Variants in JDP2 observed in about 807,000 individuals in gnomAD.
The protein encoded by JDP2 is progesterone receptor co-activator.
JDP2 carries 9 observed loss-of-function variants against 17.1 expected under a neutral mutation model. The ratio of observed to expected loss-of-function variants is 0.53; its 90% CI spans 0.32 to 0.92. The LOEUF (loss-of-function observed/expected upper bound fraction) is 0.92. Ranked by LOEUF, JDP2 falls within the 40% of genes least tolerant of loss-of-function variation. The pLI, the probability that JDP2 is intolerant of heterozygous loss-of-function variation, is 0.04. For missense variants in JDP2, 179 were observed against 220.0 expected, an observed-to-expected ratio of 0.81 and a Z score of 1.18; for synonymous variants, 107 against 95.6, an observed-to-expected ratio of 1.12 and a Z score of -0.69.
intron 2 of JDP2, among the ~76,000 whole-genome samples, chr14:75,442,997 C>T (rs1015026132): frequency 1.3e-5 from 2 of 152,136 alleles, no homozygotes; most frequent in South Asian, 2.1e-4. Flanking sequence ...GGGACCGGAT[C>T]CGTGTCCTCA....
chr14:75,442,677 C>A (rs1194006256), intron 2 of JDP2, among the ~76,000 whole-genome samples: 1 of 152,200 alleles, frequency 6.6e-6, no homozygotes. Context: ...ACCAATCATT[C>A]CCAAACGTGG....
intron 2 of JDP2, among the ~76,000 whole-genome samples, chr14:75,459,896 A>T (rs1327349637): frequency 6.6e-6 from 1 of 152,172 alleles, no homozygotes; most frequent in Non-Finnish European, 1.5e-5. Context: ...GGTGGTCAGG[A>T]GCAGGGTGCT....
Position 75,432,374 on chromosome 14 carries a change from G to C in JDP2, c.-24+4122G>C, listed in dbSNP as rs1337091283. 5.2e-6 allele frequency: 8 copies of C among 1,547,832 alleles called. No individual in the cohort carries two copies. In the South Asian group the frequency reaches 8.3e-5, roughly 16 times the overall value. On this transcript the variant is annotated intron_variant, in intron 1 of 3. Transcript: ENST00000651602. ...ATGACCCCTGGCCTGGCACCTTTCT[G>C]ACCTTCTCTGTGGACTCCTGCCCTC...
chr14:75,428,904 C>T lies in JDP2; in HGVS notation c.-24+652C>T, dbSNP rs1032471373. 6.6e-6 allele frequency among the ~76,000 whole-genome samples: 1 copy of T among 152,084 alleles called. No homozygotes were observed. The highest frequency in any genetic ancestry group is 1.5e-5 in the Non-Finnish European group (1 of 68,008). ...CTTTGGGCTCTCCTGTCTCCCACGCCAGGTTATATAAGGAGGCAAGCAGGC... is the reference window on the plus strand; with the variant it reads ...CTTTGGGCTCTCCTGTCTCCCACGCTAGGTTATATAAGGAGGCAAGCAGGC... On this transcript the variant is annotated intron_variant, in intron 1 of 3. Transcript: ENST00000651602. This position sits in a 1 kb window ranked among gnomAD's most constrained non-coding sequence, Gnocchi z 5.6.
At chr14:75,436,076 T>C (rs1885050259) in intron 1 of JDP2, among the ~76,000 whole-genome samples, 1 of 152,178 alleles carries the variant, frequency 6.6e-6, no homozygotes, top group African/African-American at 2.4e-5. Flanking sequence ...GCTTTTTCTC[T>C]TAGAGAAATA....
At chr14:75,453,276 A>C (rs61563484) in intron 2 of JDP2, among the ~76,000 whole-genome samples, 1 of 152,098 alleles carries the variant, frequency 6.6e-6, no homozygotes, top group Non-Finnish European at 1.5e-5. Context: ...CAGGGTGCTC[A>C]TGGGTCCCTG....
rs1884614472 is a variant in JDP2, at chr14:75,428,195, G to A, written c.-81G>A. On this transcript the variant is annotated 5_prime_UTR_variant, in exon 1 of 4. Transcript: ENST00000651602. The surrounding 1 kb of genome is among the most constrained non-coding windows in gnomAD (Gnocchi z 5.6). ...GCGGCAGCGGCGCGGAGCGGGCACG[G>A]CGCCTGCAGCCGGGCCCCGGCCCCG... 1 of 145,892 alleles carries A rather than the reference G, an allele frequency of 6.9e-6. No individual in the cohort carries two copies. The highest frequency in any genetic ancestry group is 2.5e-5 in the African/African-American group (1 of 40,788). 9.0% of individuals were successfully genotyped at this position (145,892 alleles called of 1,614,324 possible).
At chr14:75,463,642 T>G (rs1245270681) in intron 3 of JDP2, among the ~76,000 whole-genome samples, 1 of 152,076 alleles carries the variant, frequency 6.6e-6, no homozygotes, top group African/African-American at 2.4e-5. Flanking sequence ...TAGGGGGTTA[T>G]GAGGAATGGA....
rs967292770 is a variant in JDP2 at position 75,437,899 on chromosome 14, C to T, written c.-22C>T. On this transcript the variant is annotated splice_region_variant and 5_prime_UTR_variant, in exon 2 of 4. Coordinates refer to ENST00000651602, the MANE Select transcript of JDP2 (RefSeq NM_001135048.2). ...CTGCTCTTTTCCTGCCCACTCCAGGCTGGCCTGCCACTCCTCCTGCTATGA... is the reference window on the plus strand; with the variant it reads ...CTGCTCTTTTCCTGCCCACTCCAGGTTGGCCTGCCACTCCTCCTGCTATGA... 7 of 1,586,082 alleles carry T rather than the reference C, an allele frequency of 4.4e-6. No individual in the cohort carries two copies. The highest frequency in any genetic ancestry group is 8.6e-7 in the Non-Finnish European group (1 of 1,165,100).
intron 1 of JDP2, among the ~76,000 whole-genome samples, chr14:75,429,488 A>T (rs1221483344): frequency 6.6e-6 from 1 of 152,038 alleles, no homozygotes; most frequent in Non-Finnish European, 1.5e-5. Context: ...ACGTCCTTTA[A>T]GCCCTTGGTA....
At chr14:75,437,848 T>G in intron 1 of JDP2, 50 bp from the exon 2 acceptor site, 1 of 1,367,190 alleles carries the variant, frequency 7.3e-7, no homozygotes, top group Non-Finnish European at 9.9e-7. Flanking sequence ...TGAGCCCTCC[T>G]GGAGCCCCCA....
intron 2 of JDP2, among the ~76,000 whole-genome samples, chr14:75,454,383 A>C (rs1329775186): frequency 6.6e-6 from 1 of 152,212 alleles, no homozygotes; most frequent in East Asian, 1.9e-4. Context: ...CGCAGCCTTG[A>C]TGTTCTTAGT....
At position 75,430,754 on chromosome 14, in the gene JDP2, A is replaced by G. The variant is rs561034475; in HGVS notation, c.-24+2502A>G. 3.3e-5 allele frequency among the ~76,000 whole-genome samples: 5 copies of G among 151,774 alleles called. No individual in the cohort carries two copies. Among genetic ancestry groups the G allele is most frequent in the African/African-American group, 7.3e-5 (3 of 41,358 alleles). On this transcript the variant is annotated intron_variant, in intron 1 of 3. Transcript: ENST00000651602. This position sits in a 1 kb window ranked among gnomAD's most constrained non-coding sequence, Gnocchi z 4.5. ...CAGCTCTGGAACTTAGGGGCTGCCA[A>G]GCTCCATGTGCCTGTGTATGTGTGT... is the stretch of plus-strand genomic sequence containing the variant.
At chr14:75,467,482 G>T (rs1886613445) in intron 3 of JDP2, among the ~76,000 whole-genome samples, 1 of 152,180 alleles carries the variant, frequency 6.6e-6, no homozygotes, top group Non-Finnish European at 1.5e-5. Flanking sequence ...ATTCCCCAGG[G>T]CATTCACTGT....
intron 1 of JDP2, chr14:75,432,365 C>G: frequency 6.5e-7 from 1 of 1,550,162 alleles, no homozygotes; most frequent in Non-Finnish European, 8.7e-7. Flanking sequence ...CCTGGCCTGG[C>G]ACCTTTCTGA....
chr14:75,466,153 C>CTT (rs1311581635), intron 3 of JDP2, among the ~76,000 whole-genome samples: 2 of 152,148 alleles, frequency 1.3e-5, no homozygotes, highest in Non-Finnish European at 2.9e-5. Context: ...CAGTTAGTTA[C>CTT]ATTCTGGCTG....
intron 1 of JDP2, among the ~76,000 whole-genome samples, chr14:75,429,512 CG>C (rs1003783746): frequency 1.3e-5 from 2 of 152,110 alleles, no homozygotes; most frequent in Non-Finnish European, 2.9e-5. Flanking sequence ...ACTGCATTCG[CG>C]TATCATCTCC....
chr14:75,461,421 C>CA lies in JDP2; in HGVS notation c.202-4dup. 1 of 1,599,878 alleles carries CA rather than the reference C, an allele frequency of 6.3e-7. No individual in the cohort carries two copies. The highest frequency in any genetic ancestry group is 8.5e-7 in the Non-Finnish European group (1 of 1,173,942). ...TGTCTAATCAGTGGCTCTGTGCCCT[C>CA]ACAGCTAGATGAGGAAGAGGAGCGA... On this transcript the variant is annotated splice_region_variant and splice_polypyrimidine_tract_variant and intron_variant, in intron 2 of 3. Coordinates refer to ENST00000651602, the MANE Select transcript of JDP2 (RefSeq NM_001135048.2).
At chr14:75,427,620 C>G (rs545412399), upstream of JDP2, 1 of 152,952 alleles carries the variant, frequency 6.5e-6, no homozygotes, top group Admixed American at 6.5e-5. This position sits in a 1 kb window ranked among gnomAD's most constrained non-coding sequence, Gnocchi z 4.4. Flanking sequence ...TCCGGCCTCT[C>G]GCGTCTCTCT....
Sources: allele counts gnomAD v4.1 joint callset (sites outside exome capture counted in the v4.1 genomes callset), GRCh38; gene constraint gnomAD v4.1.1; non-coding constraint Gnocchi (gnomAD v3.1); transcripts MANE v1.5; gene names NCBI Gene and HGNC (gene_info 2026-07-23, HGNC 2026-07-21).